The following DDX10 variants were observed in gnomAD, a reference collection of about 807,000 sequenced individuals.
The protein encoded by DDX10 is DEAD-box helicase 10.
A neutral mutation model predicts 104.3 loss-of-function variants in DDX10; 74 were observed. The observed-to-expected ratio is 0.71, with a 90% CI of 0.59 to 0.86. DDX10 has a LOEUF of 0.86. Among genes scored for constraint, DDX10 ranks in the 40% least tolerant of loss-of-function variants. The pLI, the probability that DDX10 is intolerant of heterozygous loss-of-function variation, is 0.00. For missense variants in DDX10, 952 were observed against 1,040.0 expected, an observed-to-expected ratio of 0.92 and a Z score of 1.16; for synonymous variants, 351 against 353.4, an observed-to-expected ratio of 0.99 and a Z score of 0.08.
chr11:108,863,268 A>T (rs979592658), intron 16 of DDX10, among the ~76,000 whole-genome samples: 1 of 152,200 alleles, frequency 6.6e-6, no homozygotes, highest in Non-Finnish European at 1.5e-5. Context: ...ACTTGAGGAA[A>T]TAAATCTTTT....
At chr11:108,776,183 G>C (rs1341201752) in intron 13 of DDX10, among the ~76,000 whole-genome samples, 2 of 152,100 alleles carry the variant, frequency 1.3e-5, no homozygotes, top group Admixed American at 1.3e-4. Context: ...CTTCTAATTT[G>C]GTGGAACTCA....
intron 16 of DDX10, among the ~76,000 whole-genome samples, chr11:108,863,834 TA>T (rs35433812): frequency 0.23 from 35,085 of 152,072 alleles, 4,435 homozygotes; most frequent in African/African-American, 0.32. Flanking sequence ...GATGGGTCTG[TA>T]AGTCCATATT....
rs746786028 is a variant in DDX10 at position 108,838,451 on chromosome 11, A to G, written c.1971A>G (p.Lys657=). ...DLKDEKTLQK[K]EPSKSSIKKK... ...TTTTGTATGTTCTCACACAGAAGAAAGAACCTTCTAAATCCAGCATCAAGA... is the reference window on the plus strand; with the variant it reads ...TTTTGTATGTTCTCACACAGAAGAAGGAACCTTCTAAATCCAGCATCAAGA... Residue 657 remains lysine (K), a synonymous_variant, in exon 14 of 18, where the codon AAA becomes AAG. Transcript: ENST00000322536. 7 of 1,610,072 alleles carry G rather than the reference A, an allele frequency of 4.3e-6. No individual in the cohort carries two copies. Among genetic ancestry groups the G allele is most frequent in the Non-Finnish European group, 5.9e-6 (7 of 1,179,000 alleles).
At chr11:108,879,740 A>C (rs1211767025) in intron 16 of DDX10, among the ~76,000 whole-genome samples, 2 of 152,194 alleles carry the variant, frequency 1.3e-5, no homozygotes, top group Non-Finnish European at 2.9e-5. Flanking sequence ...TAAGAGTGCT[A>C]TCTGTGCACA....
rs566115609 is a variant in DDX10 at position 108,830,306 on chromosome 11, G to GT, written c.1966-8133dup. On this transcript the variant is annotated intron_variant, in intron 13 of 17. Coordinates refer to ENST00000322536, the MANE Select transcript of DDX10 (RefSeq NM_004398.4). The stretch of plus-strand genomic sequence containing the variant: ...TTAGGTATATTTCTAAGTATTTTAC[G>GT]TTTTTTTGCAGCTATTCTGAAAGAG... 1.3e-3 allele frequency among the ~76,000 whole-genome samples: 204 copies of GT among 152,090 alleles called. 1 individual carries two copies. Among genetic ancestry groups the GT allele is most frequent in the Admixed American group, 3.1e-3 (47 of 15,290 alleles).
intron 9 of DDX10, among the ~76,000 whole-genome samples, chr11:108,701,753 C>T (rs374507337): frequency 1.6e-5 from 2 of 123,090 alleles, no homozygotes; most frequent in East Asian, 2.8e-4. Flanking sequence ...GTGGCGCGAT[C>T]TTGGCTCACT....
chr11:108,706,673 C>A, intron 9 of DDX10, 66 bp from the exon 10 acceptor site: 1 of 1,240,810 alleles, frequency 8.1e-7, no homozygotes, highest in South Asian at 1.2e-5. Context: ...ACCTATGCAT[C>A]ACTCTGTTAA....
chr11:108,719,458 G>GTTTA (rs1303670983), intron 11 of DDX10, among the ~76,000 whole-genome samples: 1 of 152,094 alleles, frequency 6.6e-6, no homozygotes, highest in East Asian at 1.9e-4. Context: ...GTGAGTAAGA[G>GTTTA]TTTAAGCTTT....
At chr11:108,844,993 G>A (rs1862694269) in intron 15 of DDX10, among the ~76,000 whole-genome samples, 1 of 152,046 alleles carries the variant, frequency 6.6e-6, no homozygotes, top group Non-Finnish European at 1.5e-5. Flanking sequence ...TCAGGAGATC[G>A]AGACCATCCT....
chr11:108,805,544 T>A (rs1207086633), intron 13 of DDX10, among the ~76,000 whole-genome samples: 4 of 152,274 alleles, frequency 2.6e-5, no homozygotes, highest in Non-Finnish European at 5.9e-5. Flanking sequence ...AACTTCAATT[T>A]GTTAAGACTG....
Position 108,747,572 on chromosome 11 carries a change from T to C in DDX10, c.1965+24110T>C, listed in dbSNP as rs544541602. Among the ~76,000 whole-genome samples the C allele has an allele frequency of 3.0e-3, 453 of 152,268 alleles. 4 individuals carry two copies. Among genetic ancestry groups the C allele is most frequent in the Non-Finnish European group, 4.3e-3 (294 of 68,010 alleles). On this transcript the variant is annotated intron_variant, in intron 13 of 17. Coordinates refer to ENST00000322536, the MANE Select transcript of DDX10 (RefSeq NM_004398.4). The stretch of plus-strand genomic sequence containing the variant: ...CTGATTGTGGGAGCAAAATATGGCT[T>C]CTCCCTTGACAGTCCCTTTAATTTC...
At chr11:108,877,411 G>A (rs1863167749) in intron 16 of DDX10, among the ~76,000 whole-genome samples, 1 of 152,012 alleles carries the variant, frequency 6.6e-6, no homozygotes, top group Non-Finnish European at 1.5e-5. Flanking sequence ...AGCACGAGTG[G>A]AATCTCATTT....
chr11:108,936,137 A>G (rs1234779962), intron 17 of DDX10, among the ~76,000 whole-genome samples: 1 of 152,164 alleles, frequency 6.6e-6, no homozygotes. Context: ...CAGGGACCCT[A>G]AGTTGGAGAT....
chr11:108,694,564 G>C (rs1484421343), intron 9 of DDX10, among the ~76,000 whole-genome samples: 1 of 152,080 alleles, frequency 6.6e-6, no homozygotes, highest in Non-Finnish European at 1.5e-5. Context: ...GTTTGCTCAA[G>C]AGGTATGAGG....
chr11:108,745,067 C>CTTCCCCG (rs2094329826), intron 13 of DDX10, among the ~76,000 whole-genome samples: 1 of 117,138 alleles, frequency 8.5e-6, no homozygotes, highest in African/African-American at 3.4e-5. Flanking sequence ...CCCCTTCCCC[C>CTTCCCCG]TTCCCCCTTC....
Position 108,852,161 on chromosome 11 carries a change from A to C in DDX10, c.2256A>C (p.Arg752Ser). The C allele has an allele frequency of 6.2e-7, 1 of 1,610,780 alleles. No homozygotes were observed. Residue 752 changes from arginine to serine, a missense_variant, in exon 16 of 18, where the codon AGA becomes AGC. Physicochemically the swap from Arg to Ser is moderately radical, Grantham distance 110. Transcript: ENST00000322536. The part of the protein sequence containing the change: ...KKIKAKHREK[R>S]LKEREARREA... Reference sequence around the variant, plus strand: ...CTCTTCCTTGTCTCCAGGAGAAAAGACTGAAAGAAAGGGAAGCCAGAAGAG... The same window carrying C: ...CTCTTCCTTGTCTCCAGGAGAAAAGCCTGAAAGAAAGGGAAGCCAGAAGAG...
intron 16 of DDX10, among the ~76,000 whole-genome samples, chr11:108,898,145 C>T (rs537258618): frequency 1.3e-4 from 20 of 152,236 alleles, no homozygotes; most frequent in Non-Finnish European, 2.2e-4. Context: ...GAGGGGGCTG[C>T]CCATCACAGA....
chr11:108,700,201 A>G (rs2094265742), intron 9 of DDX10, among the ~76,000 whole-genome samples: 1 of 152,194 alleles, frequency 6.6e-6, no homozygotes, highest in Admixed American at 6.5e-5. Flanking sequence ...GTACCACACA[A>G]AGAACGAATG....
intron 13 of DDX10, among the ~76,000 whole-genome samples, chr11:108,827,509 T>G (rs554401350): frequency 1.2e-4 from 19 of 152,358 alleles, no homozygotes; most frequent in African/African-American, 4.3e-4. Context: ...TACTATAGTG[T>G]GCTTTCTATT....
Sources: allele counts gnomAD v4.1 joint callset (sites outside exome capture counted in the v4.1 genomes callset), GRCh38; gene constraint gnomAD v4.1.1; transcripts MANE v1.5; gene names NCBI Gene and HGNC (gene_info 2026-07-23, HGNC 2026-07-21).